Variants in ADCY2 observed in about 807,000 individuals in gnomAD.
ADCY2 encodes the protein adenylate cyclase type 2.
A neutral mutation model predicts 125.2 loss-of-function variants in ADCY2; 31 were observed. The observed-to-expected ratio is 0.25, with a 90% CI of 0.19 to 0.33. The LOEUF (loss-of-function observed/expected upper bound fraction) is 0.33. Among genes scored for constraint, ADCY2 ranks in the 10% least tolerant of loss-of-function variants. The pLI, the probability that ADCY2 is intolerant of heterozygous loss-of-function variation, is 1.00. For missense variants in ADCY2, 904 were observed against 1,418.2 expected, an observed-to-expected ratio of 0.64 and a Z score of 5.82; for synonymous variants, 512 against 548.4, an observed-to-expected ratio of 0.93 and a Z score of 0.93.
At chr5:7,813,654 A>G (rs1161854173) in intron 22 of ADCY2, among the ~76,000 whole-genome samples, 3 of 152,210 alleles carry the variant, frequency 2.0e-5, no homozygotes, top group Non-Finnish European at 2.9e-5. Context: ...TAGAGACTGA[A>G]CATAATTTTT....
chr5:7,785,270 C>G (rs1222000314), intron 19 of ADCY2, among the ~76,000 whole-genome samples: 1 of 152,150 alleles, frequency 6.6e-6, no homozygotes, highest in East Asian at 1.9e-4. Context: ...CAGTTCTCCC[C>G]ACCCAAAAGC....
chr5:7,499,647 G>GGA (rs1554014322), intron 2 of ADCY2, among the ~76,000 whole-genome samples: 5 of 50,644 alleles, frequency 9.9e-5, no homozygotes, highest in African/African-American at 3.2e-4. Context: ...ATATGTGGGT[G>GGA]GATATATATA....
intron 17 of ADCY2, among the ~76,000 whole-genome samples, chr5:7,767,331 T>C (rs1004187633): frequency 6.6e-6 from 1 of 152,200 alleles, no homozygotes; most frequent in Non-Finnish European, 1.5e-5. Context: ...TCAAAACTTA[T>C]TAACACATTA....
intron 20 of ADCY2, chr5:7,799,340 T>A (rs73047079): frequency 0.032 from 4,844 of 152,402 alleles, 279 homozygotes; most frequent in African/African-American, 0.11. Flanking sequence ...GGAACCTCTC[T>A]TGAGTTCAGT....
At chr5:7,558,743 A>G (rs914917850) in intron 3 of ADCY2, among the ~76,000 whole-genome samples, 1 of 152,212 alleles carries the variant, frequency 6.6e-6, no homozygotes. Context: ...CATCATCATC[A>G]TGAAATATTT....
At chr5:7,754,182 C>G (rs4540153) in intron 15 of ADCY2, among the ~76,000 whole-genome samples, 60,948 of 152,012 alleles carry the variant, frequency 0.4, 12,621 homozygotes, top group Admixed American at 0.53. Flanking sequence ...CTGCCCGGGT[C>G]TGTTTTAGTA....
At chr5:7,399,025 C>T (rs1278615802) in intron 1 of ADCY2, among the ~76,000 whole-genome samples, 1 of 152,202 alleles carries the variant, frequency 6.6e-6, no homozygotes, top group Non-Finnish European at 1.5e-5. Context: ...CAGGGCTTCG[C>T]TTCAGAGAGG....
intron 14 of ADCY2, among the ~76,000 whole-genome samples, chr5:7,733,131 G>C (rs1362860767): frequency 6.6e-6 from 1 of 152,098 alleles, no homozygotes; most frequent in African/African-American, 2.4e-5. Flanking sequence ...TTTTTTTCTA[G>C]CACAATTTAG....
Position 7,589,506 on chromosome 5 carries a change from G to GAAAGAAAGAAAGAAAGAAAGAAAAGA in ADCY2, c.571-36654_571-36653insGAAAGAAAGAAAGAAAAGAAAAGAAA, listed in dbSNP as rs530283052. On this transcript the variant is annotated intron_variant, in intron 3 of 24. Transcript: ENST00000338316. ...AGAAAGAAAGAAAGAAAGAAAGAAA[G>GAAAGAAAGAAAGAAAGAAAGAAAAGA]AAAGAAAAGAAAAGAAAGAGAAAGA... 7.5e-4 allele frequency among the ~76,000 whole-genome samples: 70 copies of GAAAGAAAGAAAGAAAGAAAGAAAAGA among 93,854 alleles called. 1 individual carries two copies. The highest frequency in any genetic ancestry group is 2.2e-3 in the South Asian group (5 of 2,320). The allele number at this position is 93,854 out of a possible 152,430, so 61.6% of individuals were successfully genotyped here. A position where few individuals can be genotyped will look rare whatever the true frequency, so the allele number is the denominator to read the frequency against.
chr5:7,671,093 A>T (rs1739920099), intron 4 of ADCY2, among the ~76,000 whole-genome samples: 2 of 152,244 alleles, frequency 1.3e-5, no homozygotes, highest in Non-Finnish European at 2.9e-5. Context: ...GCAACTAGAA[A>T]TGATCATGAC....
chr5:7,492,414 G>A (rs1008413436), intron 2 of ADCY2, among the ~76,000 whole-genome samples: 2 of 152,184 alleles, frequency 1.3e-5, no homozygotes, highest in African/African-American at 4.8e-5. Flanking sequence ...TTTTGCCATG[G>A]GGAAGTTAGA....
intron 4 of ADCY2, among the ~76,000 whole-genome samples, chr5:7,645,591 C>T (rs1738866368): frequency 6.6e-6 from 1 of 152,134 alleles, no homozygotes; most frequent in Admixed American, 6.6e-5. Flanking sequence ...GAACAAATTC[C>T]TAATCAAATA....
At chr5:7,532,177 T>C (rs1310501105) in intron 3 of ADCY2, among the ~76,000 whole-genome samples, 2 of 152,234 alleles carry the variant, frequency 1.3e-5, no homozygotes, top group African/African-American at 2.4e-5. Context: ...ACAGAGAAAG[T>C]GTTCTTGCCG....
intron 2 of ADCY2, among the ~76,000 whole-genome samples, chr5:7,460,693 A>AT (rs137890440): frequency 1.3e-4 from 19 of 149,260 alleles, no homozygotes; most frequent in Non-Finnish European, 1.8e-4. Flanking sequence ...AAGTGTCTTA[A>AT]TTTTTTTTTT....
intron 1 of ADCY2, among the ~76,000 whole-genome samples, chr5:7,400,613 G>A (rs1320034429): frequency 6.6e-6 from 1 of 152,218 alleles, no homozygotes; most frequent in African/African-American, 2.4e-5. Context: ...TGGGAGGGCA[G>A]ACAAATGTGC....
intron 14 of ADCY2, among the ~76,000 whole-genome samples, chr5:7,739,104 G>C (rs10055212): frequency 6.6e-6 from 1 of 151,614 alleles, no homozygotes; most frequent in Non-Finnish European, 1.5e-5. Flanking sequence ...AAAAATACTT[G>C]TTTACTTAAA....
chr5:7,550,176 A>G (rs937654733), intron 3 of ADCY2, among the ~76,000 whole-genome samples: 1 of 152,158 alleles, frequency 6.6e-6, no homozygotes. Flanking sequence ...TCAAATGACA[A>G]CCAGGAACTT....
At chr5:7,728,721 T>G (rs948860904) in intron 14 of ADCY2, among the ~76,000 whole-genome samples, 1 of 152,182 alleles carries the variant, frequency 6.6e-6, no homozygotes. Flanking sequence ...TACTCTTACA[T>G]AGATAGATTC....
rs1166404634 is a variant in ADCY2, at chr5:7,709,840, G to A, written c.1578+453G>A. 6.6e-6 allele frequency among the ~76,000 whole-genome samples: 1 copy of A among 152,118 alleles called. No homozygotes were observed. Among genetic ancestry groups the A allele is most frequent in the East Asian group, 1.9e-4 (1 of 5,180 alleles). On this transcript the variant is annotated intron_variant, in intron 10 of 24. Transcript: ENST00000338316. The surrounding 1 kb of genome is among the most constrained non-coding windows in gnomAD (Gnocchi z 4.4). The stretch of plus-strand genomic sequence containing the variant: ...GCAGCAGTGGATACTATCTTGTTAT[G>A]GTTCCATGTTTCCCTGTGACCTCCA...
Sources: gnomAD v4.1 joint callset for allele counts (sites outside exome capture counted in the v4.1 genomes callset) on GRCh38, gnomAD v4.1.1 for gene constraint, Gnocchi (gnomAD v3.1) non-coding constraint, MANE v1.5 for transcripts, NCBI Gene and HGNC (gene_info 2026-07-23, HGNC 2026-07-21) for gene names.